Variants in DLC1 observed in about 807,000 individuals in gnomAD.
DLC1 encodes rho GTPase-activating protein 7.
A neutral mutation model predicts 140.3 loss-of-function variants in DLC1; 54 were observed. That is an observed-to-expected ratio of 0.38 (90% confidence interval 0.31 to 0.48). The LOEUF is 0.48. Among genes scored for constraint, DLC1 ranks in the 20% least tolerant of loss-of-function variants. The pLI is 0.96. For synonymous variants in DLC1, 986 were observed against 728.1 expected, an observed-to-expected ratio of 1.35 and a Z score of -5.70; for missense variants, 2,536 against 1,907.0, an observed-to-expected ratio of 1.33 and a Z score of -6.14.
At chr8:13,412,868 C>T (rs915609153) in intron 2 of DLC1, among the ~76,000 whole-genome samples, 1 of 140,132 alleles carries the variant, frequency 7.1e-6, no homozygotes, top group African/African-American at 2.6e-5. Flanking sequence ...GGAGGCGGAG[C>T]TTGCAGTAAG....
chr8:13,533,945 C>T (rs1025198143), intron 1 of DLC1, among the ~76,000 whole-genome samples: 14 of 152,126 alleles, frequency 9.2e-5, no homozygotes, highest in Middle Eastern at 3.2e-3. Flanking sequence ...CCTCCCCAGC[C>T]ATGTGGAACT....
intron 1 of DLC1, among the ~76,000 whole-genome samples, chr8:13,523,796 C>T (rs1331350738): frequency 6.6e-6 from 1 of 151,332 alleles, no homozygotes; most frequent in Non-Finnish European, 1.5e-5. Flanking sequence ...TATCTGGGAC[C>T]GTGAGATGCT....
rs146241177 is a variant in DLC1, at chr8:13,180,689, A to G, written c.1349-65032T>C. On this transcript the variant is annotated intron_variant, in intron 5 of 17. Transcript: ENST00000276297. ...CCACTTCAACTTCTTTATTCATTGT[A>G]CAACTAATCTCAGTCCTTAACATGC... 4.5e-3 allele frequency among the ~76,000 whole-genome samples: 684 copies of G among 152,266 alleles called. 3 individuals carry two copies. Among genetic ancestry groups the G allele is most frequent in the Admixed American group, 7.1e-3 (109 of 15,292 alleles).
intron 2 of DLC1, among the ~76,000 whole-genome samples, chr8:13,447,697 A>G (rs1024702357): frequency 6.6e-6 from 1 of 152,218 alleles, no homozygotes; most frequent in Non-Finnish European, 1.5e-5. Context: ...GATTAAATGT[A>G]CAAGATCATA....
intron 2 of DLC1, among the ~76,000 whole-genome samples, chr8:13,448,001 C>T (rs908424718): frequency 2.0e-5 from 3 of 152,174 alleles, no homozygotes; most frequent in African/African-American, 7.2e-5. Flanking sequence ...AACAAAATCT[C>T]TGAAACACCC....
intron 5 of DLC1, among the ~76,000 whole-genome samples, chr8:13,139,321 G>GAAAAAAAAAAAA (rs1822805016): frequency 8.6e-6 from 1 of 115,666 alleles, no homozygotes. Flanking sequence ...AAAAAAAAAG[G>GAAAAAAAAAAAA]AAAAGAAAAA....
intron 5 of DLC1, among the ~76,000 whole-genome samples, chr8:13,302,810 C>G (rs1057247054): frequency 1.3e-5 from 2 of 151,648 alleles, no homozygotes; most frequent in Non-Finnish European, 2.9e-5. Flanking sequence ...GGTCTCCTGC[C>G]TTCATGGCCA....
intron 2 of DLC1, among the ~76,000 whole-genome samples, chr8:13,411,983 T>C (rs938008555): frequency 6.6e-6 from 1 of 152,150 alleles, no homozygotes; most frequent in African/African-American, 2.4e-5. Context: ...AAATCTTTTT[T>C]AAAAATCCAA....
chr8:13,393,711 C>G lies in DLC1; in HGVS notation c.1174-18G>C. ...TCCAGATCCTATTAAAAAACAAATG[C>G]ACTGGTATGAAGGACATGTGAATGT... On this transcript the variant is annotated intron_variant, in intron 3 of 17. Transcript: ENST00000276297. 3 of 1,608,840 alleles carry G rather than the reference C, an allele frequency of 1.9e-6. No homozygotes were observed. Among genetic ancestry groups the G allele is most frequent in the Non-Finnish European group, 2.5e-6 (3 of 1,177,828 alleles).
chr8:13,125,466 C>A (rs1392144271), intron 5 of DLC1, among the ~76,000 whole-genome samples: 1 of 152,214 alleles, frequency 6.6e-6, no homozygotes, highest in African/African-American at 2.4e-5. Context: ...ATTGATCTTT[C>A]ATGTTTACAG....
intron 3 of DLC1, among the ~76,000 whole-genome samples, chr8:13,398,165 A>G (rs1411370822): frequency 6.6e-6 from 1 of 152,140 alleles, no homozygotes; most frequent in Non-Finnish European, 1.5e-5. Context: ...TAAAAAATAA[A>G]AATAAATTAT....
chr8:13,122,868 A>G (rs1821218402), intron 5 of DLC1, among the ~76,000 whole-genome samples: 1 of 151,782 alleles, frequency 6.6e-6, no homozygotes, highest in Admixed American at 6.6e-5. Flanking sequence ...TTCTTAGGCT[A>G]TCTGGCTTAA....
intron 4 of DLC1, among the ~76,000 whole-genome samples, chr8:13,311,757 A>C (rs1407668735): frequency 6.6e-6 from 1 of 152,170 alleles, no homozygotes; most frequent in Non-Finnish European, 1.5e-5. Flanking sequence ...CTTAAGAGAT[A>C]TTTTGGTGCT....
intron 2 of DLC1, among the ~76,000 whole-genome samples, chr8:13,458,828 T>TG (rs200223079): frequency 0.012 from 1,636 of 135,610 alleles, 31 homozygotes; most frequent in African/African-American, 0.04. Context: ...TTTCTTCATT[T>TG]GGAAAAAAAA....
intron 2 of DLC1, among the ~76,000 whole-genome samples, chr8:13,480,833 G>C (rs900699990): frequency 6.6e-6 from 1 of 152,170 alleles, no homozygotes; most frequent in Non-Finnish European, 1.5e-5. Context: ...GAGCTTGGGA[G>C]GTAGAGGTTG....
chr8:13,273,313 C>A (rs1318590428), intron 5 of DLC1, among the ~76,000 whole-genome samples: 1 of 152,182 alleles, frequency 6.6e-6, no homozygotes, highest in African/African-American at 2.4e-5. Context: ...ATCACTCAAC[C>A]ACTGTCATCC....
At chr8:13,394,077 G>T (rs1296558447) in intron 3 of DLC1, among the ~76,000 whole-genome samples, 1 of 152,136 alleles carries the variant, frequency 6.6e-6, no homozygotes, top group Non-Finnish European at 1.5e-5. Flanking sequence ...ATACAGCGCT[G>T]CCCAGAGTTC....
intron 1 of DLC1, among the ~76,000 whole-genome samples, chr8:13,501,087 A>G (rs1801790566): frequency 6.6e-6 from 1 of 152,200 alleles, no homozygotes; most frequent in African/African-American, 2.4e-5. Context: ...TAAATATTTT[A>G]TGCAAGAATT....
chr8:13,522,054 G>T (rs974707146), intron 1 of DLC1, among the ~76,000 whole-genome samples: 5 of 152,104 alleles, frequency 3.3e-5, no homozygotes, highest in Admixed American at 1.3e-4. Context: ...GAAATTGGAA[G>T]AGATATTTTT....
Sources: allele counts gnomAD v4.1 joint callset (sites outside exome capture counted in the v4.1 genomes callset), GRCh38; gene constraint gnomAD v4.1.1; transcripts MANE v1.5; gene names NCBI Gene and HGNC (gene_info 2026-07-23, HGNC 2026-07-21).